HTR3E: variants seen among roughly 807,000 people sequenced by gnomAD.
HTR3E encodes 5-hydroxytryptamine (serotonin) receptor 3, family member E.
Under a neutral mutation model 38.0 loss-of-function variants are expected in HTR3E, and 38 were observed. The ratio of observed to expected loss-of-function variants is 1.00; its 90% CI spans 0.77 to 1.31. HTR3E has a LOEUF of 1.31. HTR3E is among the 50% of genes most tolerant of loss of function. The pLI, the probability that HTR3E is intolerant of heterozygous loss-of-function variation, is 0.00. For missense variants in HTR3E, 547 were observed against 585.2 expected, an observed-to-expected ratio of 0.93 and a Z score of 0.67; for synonymous variants, 210 against 232.9, an observed-to-expected ratio of 0.90 and a Z score of 0.89.
At chr3:184,105,614 C>A in intron 6 of HTR3E, 151 bp from the exon 7 acceptor site, 1 of 907,060 alleles carries the variant, frequency 1.1e-6, no homozygotes, top group East Asian at 2.6e-5. Context: ...GGTTCTATAC[C>A]AGATTCTAAA....
chr3:184,105,230 C>T (rs1577013551), intron 5 of HTR3E, 37 bp from the exon 6 acceptor site: 2 of 1,564,472 alleles, frequency 1.3e-6, no homozygotes, highest in Non-Finnish European at 1.7e-6. Flanking sequence ...AGGAAACTAT[C>T]TCCTTGAAAA....
chr3:184,105,103 C>T, intron 5 of HTR3E, 147 bp downstream of exon 5: 1 of 1,150,298 alleles, frequency 8.7e-7, no homozygotes, highest in Non-Finnish European at 1.2e-6. Flanking sequence ...AAAGGCAGAA[C>T]CCAAGTCTGT....
At chr3:184,098,896 T>C (rs1711806796) in intron 1 of HTR3E, among the ~76,000 whole-genome samples, 1 of 151,454 alleles carries the variant, frequency 6.6e-6, no homozygotes, top group South Asian at 2.1e-4. Context: ...ATACAAAAAC[T>C]AGCCTGATGT....
chr3:184,105,920 C>T lies in HTR3E; in HGVS notation c.876C>T (p.Phe292=). The change falls in exon 7 of 9, where the codon TTC becomes TTT. Residue 292 remains phenylalanine, a synonymous_variant. Transcript: ENST00000415389. ...KITLLLGYNV[F]LLMMSDLLPT... is the part of the protein sequence containing the mutation. ...CGCTCCTGCTGGGCTACAACGTCTT[C>T]CTGCTCATGATGAGTGACTTGCTCC... is the stretch of plus-strand genomic sequence containing the variant. 1 of 1,614,182 alleles carries T rather than the reference C, an allele frequency of 6.2e-7. No homozygotes were observed. The highest frequency in any genetic ancestry group is 8.5e-7 in the Non-Finnish European group (1 of 1,180,044).
chr3:184,102,901 G>A (rs1712143648), intron 3 of HTR3E, among the ~76,000 whole-genome samples: 1 of 151,832 alleles, frequency 6.6e-6, no homozygotes, highest in African/African-American at 2.4e-5. Flanking sequence ...CTCCAGCTTA[G>A]GCTACAGAGT....
At chr3:184,102,450 TG>T (rs1712104667) in intron 3 of HTR3E, among the ~76,000 whole-genome samples, 1 of 117,098 alleles carries the variant, frequency 8.5e-6, no homozygotes, top group Non-Finnish European at 1.6e-5. Flanking sequence ...GGCAACAGAG[TG>T]AGACCCTATC....
At chr3:184,098,644 G>A (rs1349800037) in intron 1 of HTR3E, among the ~76,000 whole-genome samples, 1 of 152,180 alleles carries the variant, frequency 6.6e-6, no homozygotes, top group Non-Finnish European at 1.5e-5. Flanking sequence ...AATGGATAAG[G>A]CTCAATGTCC....
chr3:184,099,335 C>T (rs1711840066), intron 1 of HTR3E, among the ~76,000 whole-genome samples: 1 of 150,496 alleles, frequency 6.6e-6, no homozygotes, highest in Admixed American at 6.6e-5. Flanking sequence ...GAGGCTGAGG[C>T]CAAGTGATTG....
At chr3:184,102,434 A>G (rs1712103766) in intron 3 of HTR3E, among the ~76,000 whole-genome samples, 1 of 132,548 alleles carries the variant, frequency 7.5e-6, no homozygotes, top group South Asian at 2.4e-4. Flanking sequence ...ACTGCACTGT[A>G]GCCTGGGCAA....
intron 1 of HTR3E, among the ~76,000 whole-genome samples, chr3:184,099,339 G>C (rs1314775869): frequency 6.7e-6 from 1 of 150,320 alleles, no homozygotes; most frequent in East Asian, 2.0e-4. Flanking sequence ...CTGAGGCCAA[G>C]TGATTGCGCC....
chr3:184,100,727 C>G, intron 2 of HTR3E, 76 bp downstream of exon 2: 1 of 1,548,832 alleles, frequency 6.5e-7, no homozygotes, highest in Middle Eastern at 1.8e-4. Context: ...CCCCCCAAAG[C>G]CCTTATCCAC....
chr3:184,105,022 G>A (rs1055201587), intron 5 of HTR3E, 66 bp downstream of exon 5: 4 of 1,477,766 alleles, frequency 2.7e-6, no homozygotes, highest in Non-Finnish European at 3.7e-6. Flanking sequence ...AAGAAACTAT[G>A]AGTAAATGGT....
intron 1 of HTR3E, among the ~76,000 whole-genome samples, chr3:184,099,736 A>AC (rs1560093055): frequency 1.3e-4 from 19 of 148,262 alleles, no homozygotes; most frequent in South Asian, 2.1e-4. Context: ...AAAAAAAAAA[A>AC]AAAAGAAAGA....
rs373657273 is a variant in HTR3E at position 184,106,581 on chromosome 3, C to T, written c.1259C>T (p.Ser420Leu). 17 of 1,614,084 alleles carry T rather than the reference C, an allele frequency of 1.1e-5. No individual in the cohort carries two copies. The African/African-American group carries it at 2.0e-4, about 19-fold the overall frequency. Residue 420 changes from serine (S) to leucine (L), a missense_variant, in exon 9 of 9, where the codon TCA (serine) becomes TTA (leucine). By Grantham distance (145) the Ser-to-Leu change is moderately radical. Coordinates refer to ENST00000415389, the MANE Select transcript of HTR3E (RefSeq NM_001256613.2). This position sits in a 1 kb window ranked among gnomAD's most constrained non-coding sequence, Gnocchi z 4.1. ...GAACACGAGGCCCAGAAGCAGCACTCAGTGGAGCTGTGGTTGCAGTTCAGC... is the reference window on the plus strand; with the variant it reads ...GAACACGAGGCCCAGAAGCAGCACTTAGTGGAGCTGTGGTTGCAGTTCAGC... ...QREHEAQKQHSVELWLQFSHA... is the reference protein window; with the variant it reads ...QREHEAQKQHLVELWLQFSHA...
chr3:184,099,842 T>C (rs1431958853), intron 1 of HTR3E, among the ~76,000 whole-genome samples: 1 of 151,828 alleles, frequency 6.6e-6, no homozygotes, highest in Admixed American at 6.6e-5. Context: ...TAAAGTCAAG[T>C]AAGAAGGAAG....
chr3:184,106,856 C>G lies in HTR3E; in HGVS notation c.*163C>G. ...CCGGTCCTGCTGATCAATTCCAATC[C>G]CAGACATTTCTCCCTGTTCCTGCAT... On this transcript the variant is annotated 3_prime_UTR_variant, in exon 9 of 9. Transcript: ENST00000415389. This position sits in a 1 kb window ranked among gnomAD's most constrained non-coding sequence, Gnocchi z 4.1. The G allele has an allele frequency of 1.4e-6, 1 of 731,934 alleles. No homozygotes were observed. The highest frequency in any genetic ancestry group is 2.2e-6 in the Non-Finnish European group (1 of 449,556). 45.3% of individuals were successfully genotyped at this position (731,934 alleles called of 1,614,324 possible).
Position 184,106,930 on chromosome 3 carries a change from G to T in HTR3E, c.*237G>T. 3.6e-6 allele frequency: 2 copies of T among 554,802 alleles called. No homozygotes were observed. The highest frequency in any genetic ancestry group is 6.4e-6 in the Non-Finnish European group (2 of 311,790). The allele number at this position is 554,802 out of a possible 1,614,324, so 34.4% of individuals were successfully genotyped here. A position where few individuals can be genotyped will look rare whatever the true frequency, so the allele number is the denominator to read the frequency against. On this transcript the variant is annotated 3_prime_UTR_variant, in exon 9 of 9. Coordinates refer to ENST00000415389, the MANE Select transcript of HTR3E (RefSeq NM_001256613.2). The surrounding 1 kb of genome is among the most constrained non-coding windows in gnomAD (Gnocchi z 4.1). ...CCATATGGTTCTAGGTCCCTCTTAC[G>T]TCATCTGCATAGCAGACTATACCTC...
At position 184,099,853 on chromosome 3, in the gene HTR3E, G is replaced by T. The variant is rs947733937; in HGVS notation, c.68-632G>T. Among the ~76,000 whole-genome samples the T allele has an allele frequency of 3.9e-5, 6 of 152,258 alleles. No homozygotes were observed. The South Asian group carries it at 1.2e-3, about 32-fold the overall frequency. On this transcript the variant is annotated intron_variant, in intron 1 of 8. Coordinates refer to ENST00000415389, the MANE Select transcript of HTR3E (RefSeq NM_001256613.2). ...TGGGTAAAGTCAAGTAAGAAGGAAG[G>T]TTGGGGCAGTCGGGGTGAAAACAGG...
intron 3 of HTR3E, among the ~76,000 whole-genome samples, chr3:184,102,628 A>AT (rs1200249670): frequency 1.1e-4 from 16 of 149,820 alleles, no homozygotes; most frequent in Middle Eastern, 3.4e-3. Context: ...CTTAAAGTAT[A>AT]TAAAAAAAAA....
Sources: allele counts gnomAD v4.1 joint callset (sites outside exome capture counted in the v4.1 genomes callset), GRCh38; gene constraint gnomAD v4.1.1; non-coding constraint Gnocchi (gnomAD v3.1); transcripts MANE v1.5; gene names NCBI Gene and HGNC (gene_info 2026-07-23, HGNC 2026-07-21).